The following LEPR variants were observed in gnomAD, a reference collection of about 807,000 sequenced individuals.
The protein encoded by LEPR is OB receptor.
Under a neutral mutation model 114.7 loss-of-function variants are expected in LEPR, and 56 were observed. That is an observed-to-expected ratio of 0.49 (90% confidence interval 0.39 to 0.61). The LOEUF is 0.61. LEPR is among the 20% of genes least tolerant of loss of function. The probability of loss-of-function intolerance (pLI) is 0.00; values close to 1 mark genes in which losing one functional copy is unlikely to be tolerated. For missense variants in LEPR, 1,202 were observed against 1,352.9 expected, an observed-to-expected ratio of 0.89 and a Z score of 1.75; for synonymous variants, 443 against 461.4, an observed-to-expected ratio of 0.96 and a Z score of 0.51.
intron 2 of LEPR, among the ~76,000 whole-genome samples, chr1:65,462,163 G>A (rs554464545): frequency 2.6e-5 from 4 of 151,750 alleles, no homozygotes; most frequent in South Asian, 2.1e-4. Context: ...CCCCCCACCC[G>A]CCAACAGGCC....
intron 2 of LEPR, among the ~76,000 whole-genome samples, chr1:65,479,391 T>C (rs1197904394): frequency 3.3e-5 from 5 of 152,104 alleles, no homozygotes; most frequent in Non-Finnish European, 7.4e-5. Context: ...TAATAGCCCA[T>C]AGAGGTACAC....
intron 6 of LEPR, among the ~76,000 whole-genome samples, chr1:65,593,688 T>G (rs1025610476): frequency 2.0e-5 from 3 of 152,084 alleles, no homozygotes; most frequent in African/African-American, 7.2e-5. Flanking sequence ...TTACTCGAGA[T>G]ATAGCACTTT....
intron 2 of LEPR, among the ~76,000 whole-genome samples, chr1:65,455,189 C>G (rs1341904915): frequency 6.6e-6 from 1 of 152,082 alleles, no homozygotes; most frequent in Non-Finnish European, 1.5e-5. Context: ...TTCTTCTAAA[C>G]TTTTTTCAAA....
At chr1:65,464,525 T>C (rs1330468713) in intron 2 of LEPR, among the ~76,000 whole-genome samples, 1 of 152,226 alleles carries the variant, frequency 6.6e-6, no homozygotes, top group Non-Finnish European at 1.5e-5. Context: ...GCTATCAGGA[T>C]AATGCTAGCC....
At chr1:65,556,449 T>G (rs1652820697) in intron 2 of LEPR, among the ~76,000 whole-genome samples, 1 of 152,102 alleles carries the variant, frequency 6.6e-6, no homozygotes, top group Non-Finnish European at 1.5e-5. Flanking sequence ...TTTATCTATA[T>G]CAGGAATTCT....
chr1:65,438,110 C>G (rs1025195394), intron 2 of LEPR, among the ~76,000 whole-genome samples: 1 of 127,554 alleles, frequency 7.8e-6, no homozygotes, highest in African/African-American at 3.1e-5. Context: ...GGCTCCTAGC[C>G]GCCTTTTTTT....
Position 65,636,836 on chromosome 1 carries a change from C to T in LEPR, c.3319C>T (p.Pro1107Ser), listed in dbSNP as rs370795527. 3 of 1,612,834 alleles carry T rather than the reference C, an allele frequency of 1.9e-6. No individual in the cohort carries two copies. The highest frequency in any genetic ancestry group is 2.5e-6 in the Non-Finnish European group (3 of 1,179,672). ...AAGGGTATCGTGCCCATTCCCAGCC[C>T]CCTGTTTATTCACGGACATCAGAGT... ...KSRVSCPFPA[P>S]CLFTDIRVLQ... Residue 1107 changes from proline (P) to serine (S), a missense_variant, in exon 20 of 20, where the codon CCC becomes TCC. Pro to Ser is a moderately conservative substitution (Grantham distance 74). Transcript: ENST00000349533.
intron 2 of LEPR, among the ~76,000 whole-genome samples, chr1:65,480,615 A>T (rs1273797117): frequency 6.6e-6 from 1 of 152,202 alleles, no homozygotes; most frequent in Non-Finnish European, 1.5e-5. Context: ...GCTAAGGCAG[A>T]GGAAATTTAT....
intron 2 of LEPR, among the ~76,000 whole-genome samples, chr1:65,429,064 G>A (rs748899134): frequency 4.6e-5 from 7 of 152,266 alleles, no homozygotes; most frequent in African/African-American, 7.2e-5. Flanking sequence ...GATAAATGGC[G>A]TTTGATCAAG....
rs996361966 is a variant in LEPR at position 65,596,550 on chromosome 1, A to T, written c.806A>T (p.Tyr269Phe). The stretch of plus-strand genomic sequence containing the variant: ...CCATTGGTACCATTTCCACTTCAAT[A>T]TCAAGTGAAATATTCAGAGAATTCT... Reference protein sequence around the residue: ...SPPLVPFPLQYQVKYSENSTT... With the variant: ...SPPLVPFPLQFQVKYSENSTT... The change falls in exon 7 of 20, where the codon TAT becomes TTT. Residue 269 changes from tyrosine to phenylalanine, a missense_variant. Physicochemically the swap from Tyr to Phe is conservative, Grantham distance 22 (BLOSUM62 3). Coordinates refer to ENST00000349533, the MANE Select transcript of LEPR (RefSeq NM_002303.6). 2 of 1,612,612 alleles carry T rather than the reference A, an allele frequency of 1.2e-6. No homozygotes were observed. Among genetic ancestry groups the T allele is most frequent in the Non-Finnish European group, 1.7e-6 (2 of 1,179,062 alleles).
chr1:65,430,700 A>G lies in LEPR; in HGVS notation c.-21+5322A>G, dbSNP rs139561186. On this transcript the variant is annotated intron_variant, in intron 2 of 19. Transcript: ENST00000349533. ...GATAAGCGCAAGTCTTGTTCATTCA[A>G]TAAATATCTTTGCAACAACTGCTAC... Among the ~76,000 whole-genome samples, 21 of 151,862 alleles carry G rather than the reference A, an allele frequency of 1.4e-4. No homozygotes were observed. The East Asian group carries it at 3.3e-3, about 24-fold the overall frequency.
intron 2 of LEPR, among the ~76,000 whole-genome samples, chr1:65,428,525 C>T (rs1034863193): frequency 7.9e-5 from 12 of 152,146 alleles, no homozygotes; most frequent in African/African-American, 2.7e-4. Context: ...GGTCCAAATC[C>T]ACTGTTTCCA....
chr1:65,522,838 G>GT (rs34483675), intron 2 of LEPR, among the ~76,000 whole-genome samples: 137 of 147,498 alleles, frequency 9.3e-4, no homozygotes, highest in East Asian at 2.2e-3. Flanking sequence ...TCCTTTTAGG[G>GT]TTTTTTTTTT....
At chr1:65,556,995 TG>T (rs1161618129) in intron 2 of LEPR, among the ~76,000 whole-genome samples, 3 of 152,136 alleles carry the variant, frequency 2.0e-5, no homozygotes, top group Non-Finnish European at 4.4e-5. Flanking sequence ...CTGACTGAAC[TG>T]GGGAGCAAGG....
intron 2 of LEPR, among the ~76,000 whole-genome samples, chr1:65,538,608 A>G (rs1002495288): frequency 1.3e-5 from 2 of 152,176 alleles, no homozygotes; most frequent in African/African-American, 4.8e-5. Context: ...TTCTAAACTG[A>G]AAAGAATTTT....
At chr1:65,431,453 A>G (rs1646483167) in intron 2 of LEPR, among the ~76,000 whole-genome samples, 1 of 152,256 alleles carries the variant, frequency 6.6e-6, no homozygotes, top group Non-Finnish European at 1.5e-5. Context: ...TTTATTTTCC[A>G]TGAAAGAAGT....
intron 19 of LEPR, among the ~76,000 whole-genome samples, chr1:65,627,522 A>G (rs987795116): frequency 2.0e-5 from 3 of 152,196 alleles, no homozygotes; most frequent in Admixed American, 6.5e-5. Context: ...GGAATGGAAT[A>G]GCAACTCTTT....
chr1:65,619,024 A>G lies in LEPR; in HGVS notation c.2395+878A>G, dbSNP rs190056296. The stretch of plus-strand genomic sequence containing the variant: ...AGTTATTCCAGGAGGTGAGTCAAGC[A>G]CAAAGTATAAGTGCACAAGACAGCA... On this transcript the variant is annotated intron_variant, in intron 16 of 19. Transcript: ENST00000349533. Among the ~76,000 whole-genome samples, 7 of 152,248 alleles carry G rather than the reference A, an allele frequency of 4.6e-5. No homozygotes were observed. In the East Asian group the frequency reaches 1.4e-3, roughly 29 times the overall value.
At chr1:65,542,857 C>A (rs1651340222) in intron 2 of LEPR, among the ~76,000 whole-genome samples, 1 of 151,972 alleles carries the variant, frequency 6.6e-6, no homozygotes, top group Non-Finnish European at 1.5e-5. Flanking sequence ...TTTATCCAGT[C>A]TATCATTGAT....
Sources: allele counts gnomAD v4.1 joint callset (sites outside exome capture counted in the v4.1 genomes callset), GRCh38; gene constraint gnomAD v4.1.1; transcripts MANE v1.5; gene names NCBI Gene and HGNC (gene_info 2026-07-23, HGNC 2026-07-21).